SSR4: variants seen among roughly 807,000 people sequenced by gnomAD.
SSR4 encodes the protein signal sequence receptor subunit 4.
For missense variants in SSR4, 125 were observed against 148.8 expected (o/e 0.84, Z 0.83); for synonymous variants, 84 against 65.6 (o/e 1.28, Z -1.35).
rs782420694 is a variant in SSR4 at position 153,794,844 on chromosome X, T to C, written c.67+90T>C. The C allele has an allele frequency of 9.5e-6, 10 of 1,048,277 alleles. No individual in the cohort carries two copies. In the South Asian group the frequency reaches 1.5e-4, roughly 16 times the overall value. The allele number at this position is 1,048,277 out of a possible 1,213,427, so 86.4% of individuals were successfully genotyped here. On this transcript the variant is annotated intron_variant, in intron 1 of 5. Transcript: ENST00000370086. ...AGGAGGGATGCGGGGGTCCGGCCTTTCAGGGTCCGTCGCTGCGGGCCGGGC... is the reference window on the plus strand; with the variant it reads ...AGGAGGGATGCGGGGGTCCGGCCTTCCAGGGTCCGTCGCTGCGGGCCGGGC...
chrX:153,797,488 A>G lies in SSR4; in HGVS notation c.217A>G (p.Lys73Glu). 8.3e-7 allele frequency: 1 copy of G among 1,211,776 alleles called. No homozygotes were observed. Residue 73 changes from lysine to glutamate, a missense_variant, in exon 3 of 6, where the codon AAA becomes GAA. By Grantham distance (56) the Lys-to-Glu change is moderately conservative. Coordinates refer to ENST00000370086, the MANE Select transcript of SSR4 (RefSeq NM_006280.3). ...NMALYADVGG[K>E]QFPVTRGQDV... ...GGCTCTCTATGCTGACGTCGGTGGA[A>G]AACAATTCCCTGTCACTCGAGGCCA... is the stretch of plus-strand genomic sequence containing the variant.
rs781825237 is a variant in SSR4 at position 153,797,751 on chromosome X, C to G, written c.288C>G (p.Ser96Arg). The G allele has an allele frequency of 8.3e-7, 1 of 1,210,649 alleles. No homozygotes were observed. The highest frequency in any genetic ancestry group is 1.1e-6 in the Non-Finnish European group (1 of 895,032). Residue 96 changes from serine to arginine, a missense_variant, in exon 4 of 6, where the codon AGC becomes AGG. Transcript: ENST00000370086. Reference sequence around the variant, plus strand: ...TGTCCTGGAGCCTGGACCACAAGAGCGCCCACGCAGGCACCTATGAGGTTA... The same window carrying G: ...TGTCCTGGAGCCTGGACCACAAGAGGGCCCACGCAGGCACCTATGAGGTTA... ...YQVSWSLDHKSAHAGTYEVRF... is the reference protein window; with the variant it reads ...YQVSWSLDHKRAHAGTYEVRF...
At chrX:153,796,666 G>A (rs781995838) in intron 2 of SSR4, 114 bp downstream of exon 2, 9 of 588,856 alleles carry the variant, frequency 1.5e-5, no homozygotes, top group South Asian at 5.1e-5. Context: ...TTGGGGTGCC[G>A]GAGAGATCAG....
intron 3 of SSR4, 46 bp from the exon 4 acceptor site, chrX:153,797,679 C>T: frequency 8.6e-7 from 1 of 1,156,549 alleles, no homozygotes; most frequent in Non-Finnish European, 1.2e-6. Flanking sequence ...TCAGGGTGGC[C>T]CCTCCGTGTC....
chrX:153,795,848 A>C (rs2092137026), intron 1 of SSR4: 1 of 754,487 alleles, frequency 1.3e-6, no homozygotes, highest in African/African-American at 2.3e-5. Context: ...GGTTATGGAG[A>C]AGGCTAAGGC....
intron 2 of SSR4, 39 bp from the exon 3 acceptor site, chrX:153,797,418 AG>A (rs1186392093): frequency 8.7e-7 from 1 of 1,143,614 alleles, no homozygotes; most frequent in Admixed American, 2.2e-5. Context: ...CCACACCCAG[AG>A]GGGGCAGAAG....
chrX:153,798,341 G>T lies in SSR4; in HGVS notation c.430G>T (p.Gly144Trp). The change falls in exon 6 of 6, where the codon GGG becomes TGG. Residue 144 changes from glycine to tryptophan, a missense_variant. Physicochemically the swap from Gly to Trp is radical, Grantham distance 184. Transcript: ENST00000370086. ...VSVDHRGTWN[G>W]PWVSTEVLAA... ...TCCTTTTTTTCAGGGCACTTGGAAC[G>T]GGCCCTGGGTGTCCACTGAGGTGCT... 2 of 1,207,082 alleles carry T rather than the reference G, an allele frequency of 1.7e-6. No homozygotes were observed. Among genetic ancestry groups the T allele is most frequent in the Non-Finnish European group, 2.2e-6 (2 of 893,032 alleles).
upstream of SSR4, chrX:153,794,515 C>G: frequency 9.5e-6 from 11 of 1,162,138 alleles, no homozygotes; most frequent in Non-Finnish European, 3.5e-6. Context: ...CCGCGACCAG[C>G]TGGGCCCCTG....
In SSR4 at chrX:153,797,562, G is replaced by T. The variant is rs375549327; in HGVS notation, c.261+30G>T. 2.0e-5 allele frequency: 24 copies of T among 1,185,658 alleles called. No homozygotes were observed. In the African/African-American group the frequency reaches 3.9e-4, roughly 19 times the overall value. On this transcript the variant is annotated intron_variant, in intron 3 of 5. Coordinates refer to ENST00000370086, the MANE Select transcript of SSR4 (RefSeq NM_006280.3). ...GGGGCCAATGGTTCCCTTGCTAGGG[G>T]GCTCCCTGCTCCCGGGTGTGACCTG...
At chrX:153,797,198 C>T (rs1603258111) in intron 2 of SSR4, 1 of 398,526 alleles carries the variant, frequency 2.5e-6, no homozygotes, top group East Asian at 4.1e-5. Flanking sequence ...CATCCCGCCC[C>T]TGCTCACAGT....
chrX:153,794,491 T>A, upstream of SSR4: 3 of 1,151,680 alleles, frequency 2.6e-6, no homozygotes, highest in Admixed American at 5.3e-5. Context: ...GCTGCCGCCA[T>A]GTTGAGGGGG....
chrX:153,796,665 C>T (rs989696576), intron 2 of SSR4, 113 bp downstream of exon 2: 30 of 606,653 alleles, frequency 4.9e-5, no homozygotes, highest in African/African-American at 1.3e-4. Context: ...CTTGGGGTGC[C>T]GGAGAGATCA....
upstream of SSR4, chrX:153,794,498 G>A: frequency 1.7e-6 from 2 of 1,159,340 alleles, no homozygotes; most frequent in East Asian, 6.5e-5. Flanking sequence ...CCATGTTGAG[G>A]GGGGGACCGC....
rs2092154687 is a variant in SSR4, at chrX:153,798,223, C to T, written c.417+87C>T. The T allele has an allele frequency of 1.3e-5, 15 of 1,167,404 alleles. 1 individual carries two copies. The South Asian group carries it at 1.8e-4, about 14-fold the overall frequency. On this transcript the variant is annotated intron_variant, in intron 5 of 5. Transcript: ENST00000370086. ...CACAGCCCCAGCTCTGCTGCTGGGCCGTGATTGGCCAGCATGTCTTGGTTC... is the reference window on the plus strand; with the variant it reads ...CACAGCCCCAGCTCTGCTGCTGGGCTGTGATTGGCCAGCATGTCTTGGTTC...
rs782400120 is a variant in SSR4, at chrX:153,796,483, T to C, written c.117T>C (p.Ser39=). Residue 39 remains serine, a synonymous_variant, in exon 2 of 6, where the codon TCT becomes TCC. Transcript: ENST00000370086. ...TCACCCCTTCCTACTACACCACTTC[T>C]GACGCTGTCATTTCCACTGAGACCG... ...PQITPSYYTT[S]DAVISTETVF... The C allele has an allele frequency of 4.1e-6, 5 of 1,210,360 alleles. No homozygotes were observed. In the African/African-American group the frequency reaches 7.0e-5, roughly 17 times the overall value.
At position 153,798,310 on chromosome X, in the gene SSR4, G is replaced by A. The variant is rs2092155389; in HGVS notation, c.418-19G>A. 3.3e-6 allele frequency: 4 copies of A among 1,205,428 alleles called. No individual in the cohort carries two copies. Among genetic ancestry groups the A allele is most frequent in the Non-Finnish European group, 4.5e-6 (4 of 892,269 alleles). Reference sequence around the variant, plus strand: ...CACCTGTACTCCCCTGAGCTGGCTTGTGATCTCCTTTTTTTCAGGGCACTT... The same window carrying A: ...CACCTGTACTCCCCTGAGCTGGCTTATGATCTCCTTTTTTTCAGGGCACTT... On this transcript the variant is annotated intron_variant, in intron 5 of 5. Coordinates refer to ENST00000370086, the MANE Select transcript of SSR4 (RefSeq NM_006280.3).
At chrX:153,794,380 G>A, upstream of SSR4, 1 of 1,159,164 alleles carries the variant, frequency 8.6e-7, no homozygotes, top group Non-Finnish European at 1.2e-6. Context: ...GCTCTCGCGA[G>A]AGTTCGACGG....
rs149689429 is a variant in SSR4, at chrX:153,796,327, A to T, written c.68-107A>T. On this transcript the variant is annotated intron_variant, in intron 1 of 5. Coordinates refer to ENST00000370086, the MANE Select transcript of SSR4 (RefSeq NM_006280.3). ...CACCTGGAAGGGGCAGGAAGAGCGC[A>T]TGGGTCCCCAGCTGATCCGTGCTAT... The T allele has an allele frequency of 3.5e-5, 19 of 544,556 alleles. No individual in the cohort carries two copies. The Admixed American group carries it at 4.3e-4, about 12-fold the overall frequency. The allele number at this position is 544,556 out of a possible 1,213,427, so 44.9% of individuals were successfully genotyped here.
intron 1 of SSR4, chrX:153,795,182 C>T (rs1321552078): frequency 1.3e-5 from 2 of 148,931 alleles, no homozygotes; most frequent in African/African-American, 6.2e-5. Context: ...GATGGGGAGC[C>T]AAAGGTGCGC....
Sources: gnomAD v4.1 joint callset for allele counts on GRCh38, gnomAD v4.1.1 for gene constraint, MANE v1.5 for transcripts, NCBI Gene and HGNC (gene_info 2026-07-23, HGNC 2026-07-21) for gene names.